The following SUMF1 variants were observed in gnomAD, a reference collection of about 807,000 sequenced individuals.
SUMF1 encodes the protein formylglycine-generating enzyme.
SUMF1 carries 48 observed loss-of-function variants against 47.6 expected under a neutral mutation model. That is an observed-to-expected ratio of 1.01 (90% confidence interval 0.80 to 1.28). The LOEUF (loss-of-function observed/expected upper bound fraction) is 1.28, where lower values mean the gene tolerates loss of function less well. SUMF1 is among the 50% of genes most tolerant of loss of function. SUMF1 has a pLI of 0.00. For missense variants in SUMF1, 571 were observed against 485.4 expected (o/e 1.18, Z -1.66); for synonymous variants, 230 against 192.1 (o/e 1.20, Z -1.63).
chr3:4,111,976 A>G (rs533634747), intron 8 of SUMF1, among the ~76,000 whole-genome samples: 1 of 152,204 alleles, frequency 6.6e-6, no homozygotes, highest in Non-Finnish European at 1.5e-5. Context: ...GATGGCAATT[A>G]TAGAAAATAT....
chr3:4,266,730 T>G (rs376801337), intron 8 of SUMF1, among the ~76,000 whole-genome samples: 29 of 150,108 alleles, frequency 1.9e-4, no homozygotes, highest in African/African-American at 6.2e-4. Context: ...TTCTCCTGCC[T>G]AATTGCCCTG....
At chr3:4,075,746 A>T (rs1342511026) in intron 8 of SUMF1, among the ~76,000 whole-genome samples, 1 of 152,108 alleles carries the variant, frequency 6.6e-6, no homozygotes, top group Non-Finnish European at 1.5e-5. Context: ...CAATTGCTAC[A>T]AACAGAATAA....
At chr3:4,173,564 A>G (rs376560093) in intron 8 of SUMF1, among the ~76,000 whole-genome samples, 1 of 152,208 alleles carries the variant, frequency 6.6e-6, no homozygotes. Context: ...ATTCTGCTAT[A>G]AAGACATATG....
chr3:4,187,251 C>T (rs1365741253), intron 8 of SUMF1, among the ~76,000 whole-genome samples: 1 of 152,110 alleles, frequency 6.6e-6, no homozygotes, highest in Non-Finnish European at 1.5e-5. Context: ...TACCTGCAGT[C>T]CCAGCTACTC....
Position 4,456,642 on chromosome 3 carries a change from A to G in SUMF1, c.271-3593T>C, listed in dbSNP as rs1273608841. On this transcript the variant is annotated intron_variant, in intron 1 of 8. Transcript: ENST00000272902. The stretch of plus-strand genomic sequence containing the variant: ...AATATATATATATATATACGTGTAT[A>G]TATATATATGTGTGTGTATATATAT... Among the ~76,000 whole-genome samples, 23 of 143,576 alleles carry G rather than the reference A, an allele frequency of 1.6e-4. 1 individual carries two copies. Among genetic ancestry groups the G allele is most frequent in the African/African-American group, 5.0e-4 (19 of 37,804 alleles). The allele number at this position is 143,576 out of a possible 152,430, so 94.2% of individuals were successfully genotyped here.
chr3:4,193,465 G>A (rs765879800), intron 8 of SUMF1, among the ~76,000 whole-genome samples: 6 of 152,206 alleles, frequency 3.9e-5, no homozygotes, highest in South Asian at 2.1e-4. Context: ...GGGGACACCC[G>A]AATTTGTGGC....
At chr3:4,126,077 C>T (rs1693649069) in intron 8 of SUMF1, among the ~76,000 whole-genome samples, 1 of 140,658 alleles carries the variant, frequency 7.1e-6, no homozygotes, top group South Asian at 2.2e-4. Flanking sequence ...CCATGCTGAT[C>T]ATTCTCCTTT....
intron 8 of SUMF1, chr3:4,316,696 A>G (rs1360590619): frequency 2.8e-5 from 43 of 1,550,994 alleles, no homozygotes; most frequent in Non-Finnish European, 3.4e-5. Flanking sequence ...TGGATTTTAT[A>G]TGACAACCGG....
downstream of SUMF1, among the ~76,000 whole-genome samples, chr3:4,358,290 A>C (rs1481858166): frequency 6.6e-6 from 1 of 152,206 alleles, no homozygotes; most frequent in Non-Finnish European, 1.5e-5. Context: ...AACAAACCCC[A>C]AATTCCTTCC....
At chr3:4,254,018 A>AGG (rs1696880734) in intron 8 of SUMF1, among the ~76,000 whole-genome samples, 1 of 150,094 alleles carries the variant, frequency 6.7e-6, no homozygotes, top group Admixed American at 6.6e-5. Flanking sequence ...CACCACACAC[A>AGG]GCAGGGTATT....
intron 8 of SUMF1, among the ~76,000 whole-genome samples, chr3:4,153,207 G>C (rs928284728): frequency 6.6e-6 from 1 of 151,256 alleles, no homozygotes; most frequent in African/African-American, 2.5e-5. Context: ...AATTACTTGA[G>C]GATTTTCTTT....
intron 8 of SUMF1, among the ~76,000 whole-genome samples, chr3:4,281,974 G>C (rs987464348): frequency 1.8e-4 from 28 of 152,286 alleles, no homozygotes; most frequent in African/African-American, 6.7e-4. Flanking sequence ...CCAGAATGAA[G>C]AAGATTGTAT....
intron 3 of SUMF1, among the ~76,000 whole-genome samples, chr3:4,444,632 T>C (rs867023962): frequency 6.6e-6 from 1 of 152,206 alleles, no homozygotes; most frequent in African/African-American, 2.4e-5. Context: ...GATTATAGAC[T>C]AGTCTATCAT....
At chr3:4,466,300 C>G (rs2079944082) in intron 1 of SUMF1, among the ~76,000 whole-genome samples, 1 of 151,946 alleles carries the variant, frequency 6.6e-6, no homozygotes, top group African/African-American at 2.4e-5. Flanking sequence ...TTAGTAGAGA[C>G]GGGGTTTCGC....
At chr3:4,280,458 A>G (rs767841187) in intron 8 of SUMF1, among the ~76,000 whole-genome samples, 4 of 152,096 alleles carry the variant, frequency 2.6e-5, no homozygotes, top group East Asian at 3.9e-4. Context: ...ACCTTGACTT[A>G]AAATTTTTTT....
At chr3:4,056,630 G>A (rs1695196070) in intron 9 of SUMF1, among the ~76,000 whole-genome samples, 1 of 152,158 alleles carries the variant, frequency 6.6e-6, no homozygotes, top group African/African-American at 2.4e-5. Context: ...CTGCACTCCA[G>A]TGTGGGTGAC....
chr3:4,351,225 C>T (rs367679643), intron 8 of SUMF1, among the ~76,000 whole-genome samples: 8 of 151,920 alleles, frequency 5.3e-5, no homozygotes, highest in Non-Finnish European at 1.2e-4. Context: ...GAGGTCTCCC[C>T]ACCCTCCCTG....
At chr3:4,206,317 A>T (rs1442738360) in intron 8 of SUMF1, among the ~76,000 whole-genome samples, 2 of 152,008 alleles carry the variant, frequency 1.3e-5, no homozygotes, top group Non-Finnish European at 2.9e-5. Flanking sequence ...AGCCCAGCAA[A>T]GCACCAGAAC....
chr3:4,047,067 T>C (rs142974476), intron 9 of SUMF1, among the ~76,000 whole-genome samples: 1 of 152,162 alleles, frequency 6.6e-6, no homozygotes, highest in East Asian at 1.9e-4. Flanking sequence ...AACTTTGAAC[T>C]TGCTACTCCT....
Sources: allele counts gnomAD v4.1 joint callset (sites outside exome capture counted in the v4.1 genomes callset), GRCh38; gene constraint gnomAD v4.1.1; transcripts MANE v1.5; gene names NCBI Gene and HGNC (gene_info 2026-07-23, HGNC 2026-07-21).